CIROZ: variants seen among roughly 807,000 people sequenced by gnomAD.
CIROZ encodes ciliated left-right organizer protein containing ZP-N domains, also known as ciliated left-right organizer ZP-N domains-containing protein.
chr1:10,967,012 G>A, the CIROZ span, among the ~76,000 whole-genome samples: 1 of 152,036 alleles, frequency 6.6e-6, no homozygotes, highest in Non-Finnish European at 1.5e-5. Flanking sequence ...AGCCAGGCAT[G>A]GTGGTGCCCG....
At chr1:10,975,431 A>C in the CIROZ span, among the ~76,000 whole-genome samples, 37 of 141,126 alleles carry the variant, frequency 2.6e-4, no homozygotes, top group East Asian at 8.1e-4. Context: ...AAAAAAAAAA[A>C]CACAAAAATT....
the CIROZ span, chr1:10,954,082 G>T: frequency 1.2e-5 from 19 of 1,613,826 alleles, no homozygotes; most frequent in Non-Finnish European, 1.6e-5. Context: ...GCAAATTCCA[G>T]GCTCAGGTCT....
At chr1:10,969,898 A>C in the CIROZ span, 1 of 1,452,182 alleles carries the variant, frequency 6.9e-7, no homozygotes, top group Non-Finnish European at 9.0e-7. Flanking sequence ...ATGGGGGAGG[A>C]GCATTGCAGG....
chr1:10,951,908 A>C, the CIROZ span, among the ~76,000 whole-genome samples: 1 of 151,914 alleles, frequency 6.6e-6, no homozygotes, highest in Non-Finnish European at 1.5e-5. Flanking sequence ...AAGATTTTTT[A>C]AAAATCTCTA....
At chr1:10,954,050 G>C in the CIROZ span, 1 of 1,613,668 alleles carries the variant, frequency 6.2e-7, no homozygotes. Flanking sequence ...CCACTGTCCA[G>C]AGGACCGGGG....
chr1:10,952,449 A>G, the CIROZ span, among the ~76,000 whole-genome samples: 1 of 152,080 alleles, frequency 6.6e-6, no homozygotes, highest in East Asian at 1.9e-4. Flanking sequence ...AAAACCTAGG[A>G]TAAAGATCAC....
chr1:10,972,868 C>A, the CIROZ span, among the ~76,000 whole-genome samples: 33 of 151,464 alleles, frequency 2.2e-4, no homozygotes, highest in African/African-American at 8.0e-4. Context: ...AGGAGGATCA[C>A]TCGAGTCTAG....
the CIROZ span, among the ~76,000 whole-genome samples, chr1:10,973,001 A>G: frequency 6.6e-6 from 1 of 152,158 alleles, no homozygotes; most frequent in Admixed American, 6.5e-5. Context: ...GCCTTGCCGT[A>G]TAGCCTTTGC....
At chr1:10,968,785 G>T in the CIROZ span, among the ~76,000 whole-genome samples, 1,465 of 152,288 alleles carry the variant, frequency 9.6e-3, 23 homozygotes, top group African/African-American at 0.034. Context: ...GCCTGTGGCT[G>T]GCCGCTGTGA....
At chr1:10,950,598 G>A in the CIROZ span, among the ~76,000 whole-genome samples, 5 of 152,216 alleles carry the variant, frequency 3.3e-5, no homozygotes, top group African/African-American at 4.8e-5. Flanking sequence ...GAGGAGGTAC[G>A]GTGCAGGGTG....
At chr1:10,955,719 C>T in the CIROZ span, among the ~76,000 whole-genome samples, 1 of 151,890 alleles carries the variant, frequency 6.6e-6, no homozygotes, top group Non-Finnish European at 1.5e-5. Flanking sequence ...TGGCGGGTGC[C>T]TGTAATCCCA....
At chr1:10,971,982 GA>G in the CIROZ span, among the ~76,000 whole-genome samples, 1 of 152,190 alleles carries the variant, frequency 6.6e-6, no homozygotes, top group African/African-American at 2.4e-5. Flanking sequence ...CAAGCTCCAG[GA>G]AAAGGCGTGA....
the CIROZ span, chr1:10,954,260 C>T: frequency 8.5e-7 from 1 of 1,173,464 alleles, no homozygotes; most frequent in South Asian, 1.6e-5. Flanking sequence ...TCGAGACCAT[C>T]TGGCTAACAC....
the CIROZ span, among the ~76,000 whole-genome samples, chr1:10,962,078 C>T: frequency 6.6e-6 from 1 of 152,178 alleles, no homozygotes; most frequent in Non-Finnish European, 1.5e-5. Flanking sequence ...CTCCTCCTCA[C>T]AGACAGAAGA....
the CIROZ span, among the ~76,000 whole-genome samples, chr1:10,971,411 C>A: frequency 1.3e-5 from 2 of 151,948 alleles, no homozygotes; most frequent in African/African-American, 4.8e-5. Flanking sequence ...TCCCCACTAC[C>A]CTTGGAATAA....
the CIROZ span, among the ~76,000 whole-genome samples, chr1:10,956,673 T>C: frequency 6.6e-6 from 1 of 151,810 alleles, no homozygotes; most frequent in Non-Finnish European, 1.5e-5. Flanking sequence ...GAGACAGGGT[T>C]TCACCGTGTT....
the CIROZ span, chr1:10,948,700 G>C: frequency 6.3e-7 from 1 of 1,585,192 alleles, no homozygotes; most frequent in Non-Finnish European, 8.6e-7. Context: ...AGCGTGGCTG[G>C]AGGTGTGGGG....
the CIROZ span, among the ~76,000 whole-genome samples, chr1:10,972,737 T>C: frequency 6.6e-6 from 1 of 152,150 alleles, no homozygotes; most frequent in South Asian, 2.1e-4. Flanking sequence ...TTGCCCCTCC[T>C]GGGTGAAAGC....
the CIROZ span, chr1:10,976,333 ATTTC>A: frequency 1.1e-6 from 1 of 887,540 alleles, no homozygotes; most frequent in South Asian, 1.6e-5. Flanking sequence ...CACTCATTAT[ATTTC>A]TTTTTTTTTT....
Sources: allele counts gnomAD v4.1 joint callset (sites outside exome capture counted in the v4.1 genomes callset), GRCh38; gene constraint gnomAD v4.1.1; transcripts MANE v1.5; gene names NCBI Gene and HGNC (gene_info 2026-07-23, HGNC 2026-07-21).